MLLT10: variants seen among roughly 807,000 people sequenced by gnomAD.
MLLT10 encodes the protein MLLT10 histone lysine methyltransferase DOT1L cofactor, also known as protein AF-10.
A neutral mutation model predicts 129.1 loss-of-function variants in MLLT10; 30 were observed. That is an observed-to-expected ratio of 0.23 (90% CI 0.17 to 0.32). The LOEUF (loss-of-function observed/expected upper bound fraction) is 0.32, where lower values mean the gene tolerates loss of function less well. Among genes scored for constraint, MLLT10 ranks in the 10% least tolerant of loss-of-function variants. MLLT10 has a pLI of 1.00. For synonymous variants in MLLT10, 490 were observed against 446.4 expected, an observed-to-expected ratio of 1.10 and a Z score of -1.23; for missense variants, 1,119 against 1,268.3, an observed-to-expected ratio of 0.88 and a Z score of 1.79.
chr10:21,625,428 A>G (rs180877351), intron 8 of MLLT10: 9 of 874,148 alleles, frequency 1.0e-5, no homozygotes, highest in African/African-American at 3.3e-5. Flanking sequence ...TTTCTCACAA[A>G]GAATACTTTT....
intron 2 of MLLT10, among the ~76,000 whole-genome samples, chr10:21,535,081 G>T: frequency 6.8e-6 from 1 of 147,832 alleles, no homozygotes; most frequent in Non-Finnish European, 1.5e-5. Context: ...GGGCGGGGCG[G>T]GGCAGGGCGG....
At chr10:21,534,088 A>C (rs1233145933), upstream of MLLT10, 4 of 214,602 alleles carry the variant, frequency 1.9e-5, no homozygotes, top group East Asian at 9.7e-5. Flanking sequence ...GCCCACCCCC[A>C]GCACACCTCG....
In MLLT10 at chr10:21,580,729, T is replaced by G. The variant is rs561937879; in HGVS notation, c.241-5565T>G. ...TCTTTTCTTTTTTTTTGAGACAGAGTCTTGCACTGTCGCCTGGGCTGGAAT... is the reference window on the plus strand; with the variant it reads ...TCTTTTCTTTTTTTTTGAGACAGAGGCTTGCACTGTCGCCTGGGCTGGAAT... On this transcript the variant is annotated intron_variant, in intron 3 of 22. Coordinates refer to ENST00000307729, the MANE Select transcript of MLLT10 (RefSeq NM_001195626.3). 1.4e-4 allele frequency among the ~76,000 whole-genome samples: 21 copies of G among 151,358 alleles called. No homozygotes were observed. In the East Asian group the frequency reaches 3.9e-3, roughly 28 times the overall value.
chr10:21,738,604 TCTTG>T (rs2058575943), intron 21 of MLLT10: 6 of 1,199,588 alleles, frequency 5.0e-6, no homozygotes, highest in Non-Finnish European at 5.3e-6. Flanking sequence ...CGCTCGACAC[TCTTG>T]CTTGACTCTG....
chr10:21,683,940 T>A (rs1249592968), intron 13 of MLLT10, among the ~76,000 whole-genome samples: 1 of 152,162 alleles, frequency 6.6e-6, no homozygotes, highest in East Asian at 1.9e-4. Context: ...GGTTGGATTA[T>A]TGATTGGAAT....
At chr10:21,562,809 GTTTTTTTTGTTTTTTT>G (rs1262596301) in intron 3 of MLLT10, among the ~76,000 whole-genome samples, 1 of 76,606 alleles carries the variant, frequency 1.3e-5, no homozygotes, top group Non-Finnish European at 2.5e-5. Flanking sequence ...CATATACTTT[GTTTTTTTTGTTTTTTT>G]TTTTTTTTTT....
rs1564711087 is a variant in MLLT10 at position 21,717,701 on chromosome 10, T to TTC, written c.1878+3752_1878+3753dup. 1.7e-4 allele frequency among the ~76,000 whole-genome samples: 4 copies of TTC among 23,396 alleles called. No homozygotes were observed. The East Asian group carries it at 6.9e-3, about 41-fold the overall frequency. The allele number at this position is 23,396 out of a possible 152,430, so 15.3% of individuals were successfully genotyped here. A position where few individuals can be genotyped will look rare whatever the true frequency, so the allele number is the denominator to read the frequency against. On this transcript the variant is annotated intron_variant, in intron 14 of 22. Transcript: ENST00000307729. ...CTTCCTCCTCCTCCTCCTCCTCCTC[T>TTC]TCCTCCTCCTCCTCTTCCTCCTCCT...
chr10:21,616,407 A>G (rs1179883285), intron 7 of MLLT10, among the ~76,000 whole-genome samples: 3 of 152,032 alleles, frequency 2.0e-5, no homozygotes, highest in African/African-American at 7.2e-5. Context: ...ACTTCTTTAT[A>G]GTCATTTTTA....
At chr10:21,697,365 C>T (rs1224247427) in intron 13 of MLLT10, among the ~76,000 whole-genome samples, 3 of 152,072 alleles carry the variant, frequency 2.0e-5, no homozygotes, top group Admixed American at 2.0e-4. Flanking sequence ...ACTCAGGAGG[C>T]CGAGGCAGGA....
intron 3 of MLLT10, chr10:21,557,067 C>T: frequency 1.4e-6 from 2 of 1,415,562 alleles, no homozygotes; most frequent in Non-Finnish European, 1.8e-6. Flanking sequence ...ACTCAACTCA[C>T]AAACATTTTT....
At chr10:21,670,952 C>A in intron 10 of MLLT10, 1 of 403,210 alleles carries the variant, frequency 2.5e-6, no homozygotes. Flanking sequence ...TAATGTTTAA[C>A]TAGATATGGA....
chr10:21,599,246 A>C (rs1027616249), intron 5 of MLLT10, among the ~76,000 whole-genome samples: 3 of 150,552 alleles, frequency 2.0e-5, no homozygotes, highest in African/African-American at 7.3e-5. Context: ...GGAGGCTGAG[A>C]CAGGAGAATT....
intron 5 of MLLT10, among the ~76,000 whole-genome samples, chr10:21,601,435 G>C (rs2131153987): frequency 6.6e-6 from 1 of 152,258 alleles, no homozygotes; most frequent in South Asian, 2.1e-4. Context: ...TTTGGAAATG[G>C]CAGTGTATAG....
intron 3 of MLLT10, chr10:21,551,774 A>T (rs768993068): frequency 2.5e-6 from 1 of 395,380 alleles, no homozygotes; most frequent in South Asian, 1.8e-5. Flanking sequence ...TTTTTAAATT[A>T]AGTCTAATAG....
chr10:21,682,386 T>C, intron 13 of MLLT10, 129 bp downstream of exon 13: 1 of 770,072 alleles, frequency 1.3e-6, no homozygotes. Context: ...AGTCAATTGT[T>C]CAGCACCTTA....
At chr10:21,553,754 A>AT (rs2037466364) in intron 3 of MLLT10, among the ~76,000 whole-genome samples, 1 of 150,828 alleles carries the variant, frequency 6.6e-6, no homozygotes. Flanking sequence ...GGTTCAAGTA[A>AT]TTCTCTTGCC....
intron 3 of MLLT10, among the ~76,000 whole-genome samples, chr10:21,574,376 C>T (rs1215603170): frequency 2.0e-5 from 3 of 152,022 alleles, no homozygotes; most frequent in Non-Finnish European, 2.9e-5. Context: ...ATTTAGCTTG[C>T]AGATTGTCAA....
chr10:21,541,984 T>C (rs2035245684), intron 3 of MLLT10, among the ~76,000 whole-genome samples: 2 of 152,316 alleles, frequency 1.3e-5, no homozygotes, highest in Non-Finnish European at 2.9e-5. Context: ...GACTTTTTTT[T>C]CTTTGTATCA....
chr10:21,547,201 C>T (rs1292188378), intron 3 of MLLT10, among the ~76,000 whole-genome samples: 2 of 151,912 alleles, frequency 1.3e-5, no homozygotes, highest in East Asian at 3.9e-4. Context: ...TAATTCTCTG[C>T]TGATTTGGAG....
Sources: gnomAD v4.1 joint callset for allele counts (sites outside exome capture counted in the v4.1 genomes callset) on GRCh38, gnomAD v4.1.1 for gene constraint, MANE v1.5 for transcripts, NCBI Gene and HGNC (gene_info 2026-07-23, HGNC 2026-07-21) for gene names.